The following SSC5D variants were observed in gnomAD, a reference collection of about 807,000 sequenced individuals.
SSC5D encodes the protein scavenger receptor cysteine rich family member with 5 domains.
SSC5D carries 106 observed loss-of-function variants against 104.6 expected under a neutral mutation model. The ratio of observed to expected loss-of-function variants is 1.01; its 90% CI spans 0.87 to 1.19. SSC5D has a LOEUF of 1.19. Among genes scored for constraint, SSC5D ranks in the 50% most tolerant of loss-of-function variants. The pLI, the probability that SSC5D is intolerant of heterozygous loss-of-function variation, is 0.00. For missense variants in SSC5D, 1,993 were observed against 2,153.8 expected (o/e 0.93, Z 1.48); for synonymous variants, 860 against 883.5 (o/e 0.97, Z 0.47).
In SSC5D at chr19:55,518,972, G is replaced by A; in HGVS notation, c.4696G>A (p.Glu1566Lys). ...AACCACCACTACCCCAGAGGAAGAAGAAAGACCCCTGAGGGGAGACGTGTG... is the reference window on the plus strand; with the variant it reads ...AACCACCACTACCCCAGAGGAAGAAAAAAGACCCCTGAGGGGAGACGTGTG... ...APTTTTPEEE[E>K]RPLRGDV The change falls in exon 14 of 14, where the codon GAA becomes AAA. Residue 1566 changes from glutamate (E) to lysine (K), a missense_variant. Physicochemically the swap from Glu to Lys is moderately conservative, Grantham distance 56. Coordinates refer to ENST00000389623, the MANE Select transcript of SSC5D (RefSeq NM_001144950.2). 6.4e-7 allele frequency: 1 copy of A among 1,550,430 alleles called. No homozygotes were observed. Among genetic ancestry groups the A allele is most frequent in the Non-Finnish European group, 8.7e-7 (1 of 1,146,938 alleles).
chr19:55,490,052 CGAGGGGAGAGGGA>C (rs1987089804), intron 4 of SSC5D, 57 bp downstream of exon 4: 3 of 988,806 alleles, frequency 3.0e-6, no homozygotes, highest in South Asian at 3.3e-5. Flanking sequence ...CTGCCCCCCC[CGAGGGGAGAGGGA>C]CTGCCCTGCC....
chr19:55,510,595 C>T (rs528208921), intron 12 of SSC5D, among the ~76,000 whole-genome samples: 1 of 152,186 alleles, frequency 6.6e-6, no homozygotes, highest in Admixed American at 6.5e-5. Context: ...GATCCGCCCA[C>T]CTCAGCCTCC....
intron 12 of SSC5D, among the ~76,000 whole-genome samples, chr19:55,501,877 C>T (rs760754711): frequency 6.6e-6 from 1 of 152,218 alleles, no homozygotes; most frequent in African/African-American, 2.4e-5. Context: ...TCCTGTTTCT[C>T]ACTTGCTGTT....
intron 13 of SSC5D, among the ~76,000 whole-genome samples, chr19:55,516,845 G>A (rs894853508): frequency 6.6e-6 from 1 of 151,996 alleles, no homozygotes; most frequent in African/African-American, 2.4e-5. Flanking sequence ...ACATCTCCCA[G>A]TCCCCCGCTG....
At chr19:55,514,445 TAATAATAATAA>T (rs767204244) in intron 13 of SSC5D, among the ~76,000 whole-genome samples, 18,180 of 92,240 alleles carry the variant, frequency 0.2, 1,852 homozygotes, top group East Asian at 0.35. Context: ...ATAATAATAA[TAATAATAATAA>T]TAGGTGTGGT....
chr19:55,498,307 C>T lies in SSC5D; in HGVS notation c.1705+110C>T, dbSNP rs375500346. 139 of 1,218,198 alleles carry T rather than the reference C, an allele frequency of 1.1e-4. No homozygotes were observed. The African/African-American group carries it at 1.8e-3, about 15-fold the overall frequency. 75.5% of individuals were successfully genotyped at this position (1,218,198 alleles called of 1,614,324 possible). On this transcript the variant is annotated intron_variant, in intron 9 of 13. Coordinates refer to ENST00000389623, the MANE Select transcript of SSC5D (RefSeq NM_001144950.2). ...GTGCTTCCTAAGCCCCAGCCCTGTG[C>T]TGGGTGTTTTTGCACATATAACCAC...
chr19:55,499,330 T>A (rs965443173), intron 9 of SSC5D, among the ~76,000 whole-genome samples: 2 of 152,202 alleles, frequency 1.3e-5, no homozygotes, highest in Non-Finnish European at 2.9e-5. Flanking sequence ...AGGCATCACC[T>A]CTGCTGGAAG....
In SSC5D at chr19:55,519,012, T is replaced by G; in HGVS notation, c.*14T>G. On this transcript the variant is annotated 3_prime_UTR_variant, in exon 14 of 14. Transcript: ENST00000389623. ...GGAGACGTGTGACCCTCTCCAGGAT[T>G]TGAGGGGCTTAAGACACCCCCAACC... 6.5e-7 allele frequency: 1 copy of G among 1,549,700 alleles called. No individual in the cohort carries two copies. Among genetic ancestry groups the G allele is most frequent in the Non-Finnish European group, 8.7e-7 (1 of 1,146,636 alleles).
In SSC5D at chr19:55,501,214, A is replaced by G. The variant is rs948860064; in HGVS notation, c.2785+13A>G. The G allele has an allele frequency of 4.7e-6, 7 of 1,501,936 alleles. No individual in the cohort carries two copies. In the South Asian group the frequency reaches 6.6e-5, roughly 14 times the overall value. The allele number at this position is 1,501,936 out of a possible 1,614,324, so 93.0% of individuals were successfully genotyped here. A position where few individuals can be genotyped will look rare whatever the true frequency, so the allele number is the denominator to read the frequency against. On this transcript the variant is annotated intron_variant, in intron 12 of 13. Transcript: ENST00000389623. ...CTGCCGGACACAGGTGAGAGGCCTG[A>G]TTGGGGTGGCCATGGAGGGCCTCCA...
intron 4 of SSC5D, 28 bp downstream of exon 4, chr19:55,490,023 C>G: frequency 1.3e-6 from 2 of 1,508,526 alleles, no homozygotes; most frequent in Non-Finnish European, 1.8e-6. Flanking sequence ...CCCTGCCAAC[C>G]CCCACCCAGC....
Position 55,517,289 on chromosome 19 carries a change from C to G in SSC5D, c.3013C>G (p.Pro1005Ala). ...GCCCGCTGCGACCAGGACAGCGCCC[C>G]CAACCCCGTCCCCAGGTCCCTCCGC... ...PRPAATRTAP[P>A]TPSPGPSASP... The change falls in exon 14 of 14, where the codon CCA becomes GCA. Residue 1005 changes from proline to alanine, a missense_variant. Around this residue, in one of 6 missense-constraint regions of SSC5D, gnomAD observed 423 missense variants for 409.2 expected, o/e 1.03. Transcript: ENST00000389623. 1 of 1,548,346 alleles carries G rather than the reference C, an allele frequency of 6.5e-7. No homozygotes were observed. Among genetic ancestry groups the G allele is most frequent in the East Asian group, 2.4e-5 (1 of 40,900 alleles).
intron 8 of SSC5D, among the ~76,000 whole-genome samples, chr19:55,495,205 C>A (rs1987279861): frequency 1.1e-5 from 1 of 95,032 alleles, no homozygotes; most frequent in Admixed American, 1.3e-4. Flanking sequence ...ATGGTTCTGC[C>A]TGCCTCCTTT....
chr19:55,488,820 C>G (rs1568472586), intron 1 of SSC5D, among the ~76,000 whole-genome samples, 186 bp from the exon 2 acceptor site: 1 of 14,438 alleles, frequency 6.9e-5, no homozygotes, highest in Non-Finnish European at 1.4e-4. Context: ...GCCCGCCCCC[C>G]AGCCCTGACC....
At position 55,514,598 on chromosome 19, in the gene SSC5D, T is replaced by TA. The variant is rs34453728; in HGVS notation, c.2947+1442dup. Among the ~76,000 whole-genome samples, 1,148 of 123,960 alleles carry TA rather than the reference T, an allele frequency of 9.3e-3. 13 individuals are homozygous for TA. Among genetic ancestry groups the TA allele is most frequent in the African/African-American group, 0.021 (697 of 33,722 alleles). The allele number at this position is 123,960 out of a possible 152,430, so 81.3% of individuals were successfully genotyped here. On this transcript the variant is annotated intron_variant, in intron 13 of 13. Coordinates refer to ENST00000389623, the MANE Select transcript of SSC5D (RefSeq NM_001144950.2). ...CCTGGGCAACAGAGAAAGACTCTGT[T>TA]AAAAAAAAAAAAAAAAGAGAGAGAG...
intron 12 of SSC5D, among the ~76,000 whole-genome samples, chr19:55,505,553 G>T (rs1228710182): frequency 6.6e-6 from 1 of 151,738 alleles, no homozygotes; most frequent in Non-Finnish European, 1.5e-5. Context: ...CCAGCAGGGT[G>T]GTTCCCTTTG....
chr19:55,514,457 T>TAATAATAATAGTC (rs1555767535), intron 13 of SSC5D, among the ~76,000 whole-genome samples: 2 of 132,552 alleles, frequency 1.5e-5, no homozygotes, highest in Admixed American at 7.6e-5. Context: ...ATAATAATAA[T>TAATAATAATAGTC]AGGTGTGGTG....
rs1478313597 is a variant in SSC5D at position 55,497,890 on chromosome 19, G to C, written c.1398G>C (p.Gln466His). 2.0e-6 allele frequency: 3 copies of C among 1,538,340 alleles called. No homozygotes were observed. In the East Asian group the frequency reaches 7.4e-5, roughly 38 times the overall value. The change falls in exon 9 of 14, where the codon CAG becomes CAC. Residue 466 changes from glutamine (Q) to histidine (H), a missense_variant. By Grantham distance (24) the Gln-to-His change is conservative. Transcript: ENST00000389623. ...WEPGPEAGSP[Q>H]LRLVAGPSKC... The stretch of plus-strand genomic sequence containing the variant: ...TCTCTTCTACCCCAGGGTCCCCCCA[G>C]CTGCGCCTGGTGGCTGGGCCCAGCA...
chr19:55,517,003 C>T (rs1599931340), intron 13 of SSC5D, among the ~76,000 whole-genome samples: 2 of 152,266 alleles, frequency 1.3e-5, no homozygotes, highest in African/African-American at 2.4e-5. Context: ...TCCGGAGCAT[C>T]CCCGCATCCT....
intron 12 of SSC5D, among the ~76,000 whole-genome samples, chr19:55,507,982 G>A (rs1177381079): frequency 6.6e-6 from 1 of 152,148 alleles, no homozygotes; most frequent in Non-Finnish European, 1.5e-5. Flanking sequence ...GGTTTGAGCT[G>A]ATGGAGCTGA....
Sources: allele counts gnomAD v4.1 joint callset (sites outside exome capture counted in the v4.1 genomes callset), GRCh38; gene constraint gnomAD v4.1.1; regional missense constraint gnomAD v4.1.1; transcripts MANE v1.5; gene names NCBI Gene and HGNC (gene_info 2026-07-23, HGNC 2026-07-21).